The following MAGI2 variants were observed in gnomAD, a reference collection of about 807,000 sequenced individuals.
MAGI2 encodes the protein membrane-associated guanylate kinase, WW and PDZ domain-containing protein 2.
Under a neutral mutation model 133.3 loss-of-function variants are expected in MAGI2, and 35 were observed. That is an observed-to-expected ratio of 0.26 (90% CI 0.20 to 0.35). The LOEUF is 0.35. MAGI2 is among the 10% of genes least tolerant of loss of function. The pLI is 1.00. For missense variants in MAGI2, 1,636 were observed against 1,863.4 expected (o/e 0.88, Z 2.25); for synonymous variants, 729 against 710.6 (o/e 1.03, Z -0.41).
chr7:78,884,406 T>C (rs1796110438), intron 2 of MAGI2, among the ~76,000 whole-genome samples: 2 of 152,008 alleles, frequency 1.3e-5, no homozygotes, highest in South Asian at 4.1e-4. Context: ...ATTACTTGAG[T>C]CTGGGAGGTC....
chr7:78,221,961 G>A (rs1788875014), intron 10 of MAGI2, among the ~76,000 whole-genome samples: 1 of 151,990 alleles, frequency 6.6e-6, no homozygotes. Flanking sequence ...AAGGTGGGAG[G>A]ATCGCTTGAG....
At position 79,378,926 on chromosome 7, in the gene MAGI2, GTATATA is replaced by G. The variant is rs59388508; in HGVS notation, c.301+74088_301+74093del. On this transcript the variant is annotated intron_variant, in intron 1 of 21. Coordinates refer to ENST00000354212, the MANE Select transcript of MAGI2 (RefSeq NM_012301.4). Reference sequence around the variant, plus strand: ...CTTTTATATATATATATGTGTGTGTGTATATATATATATATATATATATATATATAT... The same window carrying G: ...CTTTTATATATATATATGTGTGTGTGTATATATATATATATATATATATAT... Among the ~76,000 whole-genome samples, 340 of 94,462 alleles carry G rather than the reference GTATATA, an allele frequency of 3.6e-3. 3 individuals carry two copies. The highest frequency in any genetic ancestry group is 6.4e-3 in the Middle Eastern group (1 of 156). 62.0% of individuals were successfully genotyped at this position (94,462 alleles called of 152,430 possible). A position where few individuals can be genotyped will look rare whatever the true frequency, so the allele number is the denominator to read the frequency against.
At chr7:79,363,824 T>C (rs573648954) in intron 1 of MAGI2, among the ~76,000 whole-genome samples, 38 of 151,460 alleles carry the variant, frequency 2.5e-4, no homozygotes, top group Middle Eastern at 3.4e-3. Flanking sequence ...TGATAAGGGG[T>C]AAATATCCAA....
At chr7:78,918,604 G>A (rs1314678251) in intron 2 of MAGI2, among the ~76,000 whole-genome samples, 1 of 152,046 alleles carries the variant, frequency 6.6e-6, no homozygotes, top group Non-Finnish European at 1.5e-5. Flanking sequence ...GAGAACCAAG[G>A]ACCAATATTT....
At chr7:78,033,483 A>AAG (rs979738090) in intron 21 of MAGI2, among the ~76,000 whole-genome samples, 1 of 151,286 alleles carries the variant, frequency 6.6e-6, no homozygotes, top group African/African-American at 2.4e-5. Flanking sequence ...AAAAAAAAAA[A>AAG]AAAAAAAAAG....
intron 6 of MAGI2, among the ~76,000 whole-genome samples, chr7:78,463,178 G>A (rs902048588): frequency 2.6e-5 from 4 of 152,206 alleles, no homozygotes; most frequent in African/African-American, 9.6e-5. Context: ...CCAAAAAGAT[G>A]TGCCTGCTGA....
intron 13 of MAGI2, among the ~76,000 whole-genome samples, chr7:78,184,884 A>T (rs1276598884): frequency 2.6e-5 from 4 of 152,184 alleles, no homozygotes; most frequent in African/African-American, 9.6e-5. Flanking sequence ...GCATGGTTTA[A>T]AAAAATTAAG....
chr7:79,395,357 T>C (rs1195059636), intron 1 of MAGI2, among the ~76,000 whole-genome samples: 3 of 152,172 alleles, frequency 2.0e-5, no homozygotes, highest in Non-Finnish European at 4.4e-5. Context: ...GTGTTAATGA[T>C]TATGAAACTG....
chr7:78,499,943 T>C (rs10234486), intron 5 of MAGI2, among the ~76,000 whole-genome samples: 59,528 of 152,132 alleles, frequency 0.39, 11,751 homozygotes, highest in South Asian at 0.5. Flanking sequence ...TAGGTCACTT[T>C]TTTAAACATT....
In MAGI2 at chr7:79,035,203, T is replaced by TG. The variant is rs1254383248; in HGVS notation, c.302-27998dup. ...CCACAAAAAAAAGTGTGTGTGTGTG[T>TG]GTGGTGGCGGCGGGGGCAGGGGGGG... On this transcript the variant is annotated intron_variant, in intron 1 of 21. Coordinates refer to ENST00000354212, the MANE Select transcript of MAGI2 (RefSeq NM_012301.4). Among the ~76,000 whole-genome samples the TG allele has an allele frequency of 3.0e-4, 38 of 126,274 alleles. 1 individual carries two copies. The highest frequency in any genetic ancestry group is 1.1e-3 in the African/African-American group (38 of 33,752). 82.8% of individuals were successfully genotyped at this position (126,274 alleles called of 152,430 possible).
At chr7:78,626,125 C>T (rs190067394) in intron 3 of MAGI2, among the ~76,000 whole-genome samples, 1 of 152,120 alleles carries the variant, frequency 6.6e-6, no homozygotes, top group South Asian at 2.1e-4. Flanking sequence ...AAGTATATAT[C>T]ATGAATTTTG....
At chr7:78,912,539 G>C (rs931688223) in intron 2 of MAGI2, among the ~76,000 whole-genome samples, 1 of 151,930 alleles carries the variant, frequency 6.6e-6, no homozygotes, top group Non-Finnish European at 1.5e-5. Flanking sequence ...TGTGAAAAGA[G>C]AGATTGGCTT....
chr7:78,837,045 A>C (rs1791690705), intron 2 of MAGI2, among the ~76,000 whole-genome samples: 1 of 152,130 alleles, frequency 6.6e-6, no homozygotes, highest in South Asian at 2.1e-4. Context: ...GTTTTTCAAA[A>C]TGCCTGTCTA....
At chr7:79,197,990 T>C (rs995384766) in intron 1 of MAGI2, among the ~76,000 whole-genome samples, 2 of 151,926 alleles carry the variant, frequency 1.3e-5, no homozygotes, top group Admixed American at 6.6e-5. Context: ...CTCAATCCTG[T>C]AATCCCAGCA....
chr7:79,309,968 T>TAAAAAAAAAAAAAAAAAAAAAAAAAAA (rs111847690), intron 1 of MAGI2, among the ~76,000 whole-genome samples: 4 of 101,502 alleles, frequency 3.9e-5, no homozygotes, highest in South Asian at 3.4e-4. Flanking sequence ...TTGTTTTTCC[T>TAAAAAAAAAAAAAAAAAAAAAAAAAAA]AAAAAAAAAA....
intron 1 of MAGI2, among the ~76,000 whole-genome samples, chr7:79,265,854 A>G (rs974378338): frequency 6.6e-6 from 1 of 152,112 alleles, no homozygotes; most frequent in African/African-American, 2.4e-5. Context: ...GTTCACAGCT[A>G]TGTTTCTGCT....
At chr7:78,595,710 T>C (rs17439521) in intron 3 of MAGI2, among the ~76,000 whole-genome samples, 37,594 of 152,000 alleles carry the variant, frequency 0.25, 5,538 homozygotes, top group Middle Eastern at 0.38. Context: ...GAAATGCAAA[T>C]AGAAGGATGT....
intron 1 of MAGI2, among the ~76,000 whole-genome samples, chr7:79,385,805 A>G (rs1043616454): frequency 2.0e-5 from 3 of 152,076 alleles, no homozygotes; most frequent in East Asian, 1.9e-4. Flanking sequence ...ATCCTATTGT[A>G]TTAGGGATCT....
At chr7:78,296,283 A>T (rs935838814) in intron 9 of MAGI2, among the ~76,000 whole-genome samples, 7 of 152,190 alleles carry the variant, frequency 4.6e-5, no homozygotes, top group African/African-American at 1.7e-4. Flanking sequence ...TCATCTCTGT[A>T]ATCTCACCCT....
Sources: gnomAD v4.1 joint callset for allele counts (sites outside exome capture counted in the v4.1 genomes callset) on GRCh38, gnomAD v4.1.1 for gene constraint, MANE v1.5 for transcripts, NCBI Gene and HGNC (gene_info 2026-07-23, HGNC 2026-07-21) for gene names.